The following PLCG2 variants were observed in gnomAD, a reference collection of about 807,000 sequenced individuals.
PLCG2 encodes 1-phosphatidylinositol 4,5-bisphosphate phosphodiesterase gamma-2.
A neutral mutation model predicts 175.6 loss-of-function variants in PLCG2; 69 were observed. The observed-to-expected ratio is 0.39, with a 90% CI of 0.32 to 0.48. The LOEUF (loss-of-function observed/expected upper bound fraction) is 0.48. Among genes scored for constraint, PLCG2 ranks in the 20% least tolerant of loss-of-function variants. The pLI, the probability that PLCG2 is intolerant of heterozygous loss-of-function variation, is 0.91. For synonymous variants in PLCG2, 827 were observed against 624.0 expected (o/e 1.33, Z -4.85); for missense variants, 1,798 against 1,650.9 (o/e 1.09, Z -1.54).
At chr16:81,923,277 A>G (rs1390283905) in intron 21 of PLCG2, 2 of 536,594 alleles carry the variant, frequency 3.7e-6, no homozygotes, top group Non-Finnish European at 6.7e-6. Context: ...CTTGGCTCTG[A>G]CTAGGCCAGT....
At chr16:81,882,224 G>A (rs928423146) in intron 8 of PLCG2, among the ~76,000 whole-genome samples, 4 of 152,198 alleles carry the variant, frequency 2.6e-5, no homozygotes, top group South Asian at 2.1e-4. Flanking sequence ...GGGGTGGCTC[G>A]TGCTGGCCCA....
chr16:81,802,826 C>T (rs1325311098), intron 2 of PLCG2, among the ~76,000 whole-genome samples: 2 of 152,308 alleles, frequency 1.3e-5, no homozygotes, highest in South Asian at 2.1e-4. Context: ...CCACCTCAGC[C>T]TCCCAAAGTG....
chr16:81,744,541 T>C (rs1909666004), intron 1 of PLCG2, among the ~76,000 whole-genome samples: 1 of 152,168 alleles, frequency 6.6e-6, no homozygotes, highest in Non-Finnish European at 1.5e-5. Context: ...CCAAATCTTT[T>C]GGCACTCCAT....
intron 9 of PLCG2, among the ~76,000 whole-genome samples, chr16:81,888,665 C>G (rs753598543): frequency 6.6e-6 from 1 of 152,104 alleles, no homozygotes; most frequent in African/African-American, 2.4e-5. Context: ...TGTAACTTGC[C>G]CAAGGTCAAC....
chr16:81,935,351 C>G (rs577951373), intron 26 of PLCG2, among the ~76,000 whole-genome samples: 82 of 152,094 alleles, frequency 5.4e-4, no homozygotes, highest in African/African-American at 2.0e-3. Context: ...ATCACACCTG[C>G]AAAGTCTGTT....
At chr16:81,776,657 C>T (rs746153698), upstream of PLCG2, among the ~76,000 whole-genome samples, 11 of 152,272 alleles carry the variant, frequency 7.2e-5, no homozygotes, top group East Asian at 3.9e-4. Context: ...TGGGTTCAAA[C>T]GATTCTGCTA....
intron 31 of PLCG2, among the ~76,000 whole-genome samples, chr16:81,946,755 C>T (rs1597151101): frequency 6.6e-6 from 1 of 152,140 alleles, no homozygotes; most frequent in Admixed American, 6.5e-5. Context: ...TACCTTTTTC[C>T]TCCTTTACGC....
chr16:81,939,968 A>G lies in PLCG2; in HGVS notation c.3390A>G (p.Ala1130=). ...VTFEIYDPNL[A]FLRFVVYEED... ...TTGAAATTTATGACCCAAACCTGGC[A>G]TTTCTGCGCTTTGTGGTTTATGAAG... is the stretch of plus-strand genomic sequence containing the variant. The change falls in exon 30 of 33, where the codon GCA becomes GCG. Residue 1130 remains alanine (A), a synonymous_variant. Coordinates refer to ENST00000564138, the MANE Select transcript of PLCG2 (RefSeq NM_002661.5). 1 of 1,614,010 alleles carries G rather than the reference A, an allele frequency of 6.2e-7. No homozygotes were observed. Among genetic ancestry groups the G allele is most frequent in the South Asian group, 1.1e-5 (1 of 91,086 alleles).
intron 2 of PLCG2, among the ~76,000 whole-genome samples, chr16:81,770,895 A>G (rs1003471312): frequency 6.6e-6 from 1 of 151,638 alleles, no homozygotes; most frequent in African/African-American, 2.4e-5. Flanking sequence ...CATCTCTACT[A>G]AAAAAACAAA....
intron 11 of PLCG2, among the ~76,000 whole-genome samples, chr16:81,892,512 C>T (rs1567519544): frequency 6.6e-6 from 1 of 150,988 alleles, no homozygotes; most frequent in Non-Finnish European, 1.5e-5. Flanking sequence ...ATGCTCCAGG[C>T]ATTTGGGAAG....
intron 17 of PLCG2, among the ~76,000 whole-genome samples, chr16:81,908,828 A>G (rs917617445): frequency 2.6e-5 from 4 of 152,224 alleles, no homozygotes; most frequent in African/African-American, 9.6e-5. Context: ...AAGTAATGCA[A>G]AAAAGTCTGT....
chr16:81,869,072 G>T (rs1402670091), intron 5 of PLCG2, 142 bp from the exon 6 acceptor site: 4 of 682,450 alleles, frequency 5.9e-6, no homozygotes, highest in Non-Finnish European at 8.0e-6. Context: ...TCAATGTCTT[G>T]TTCCCAGTTA....
chr16:81,899,819 T>C (rs1339415675), intron 13 of PLCG2, among the ~76,000 whole-genome samples: 2 of 152,212 alleles, frequency 1.3e-5, no homozygotes, highest in Non-Finnish European at 2.9e-5. Context: ...CAGTCAATAA[T>C]ATATACCAAA....
chr16:81,773,547 A>G (rs577341849), intron 2 of PLCG2, among the ~76,000 whole-genome samples: 2 of 152,096 alleles, frequency 1.3e-5, no homozygotes, highest in East Asian at 1.9e-4. Flanking sequence ...CTTGTACACT[A>G]TTGCTCTTGG....
chr16:81,905,548 C>A lies in PLCG2; in HGVS notation c.1467+41C>A, dbSNP rs562394869. 93 of 1,293,938 alleles carry A rather than the reference C, an allele frequency of 7.2e-5. No individual in the cohort carries two copies. In the East Asian group the frequency reaches 1.7e-3, roughly 24 times the overall value. The allele number at this position is 1,293,938 out of a possible 1,614,324, so 80.2% of individuals were successfully genotyped here. A position where few individuals can be genotyped will look rare whatever the true frequency, so the allele number is the denominator to read the frequency against. ...TTCCCGTAGCCACTGCGGCCACGCCCCTTGCAGCTGCTTCTTGGAGCCCTG... is the reference window on the plus strand; with the variant it reads ...TTCCCGTAGCCACTGCGGCCACGCCACTTGCAGCTGCTTCTTGGAGCCCTG... On this transcript the variant is annotated intron_variant, in intron 15 of 32. Transcript: ENST00000564138.
rs1351612249 is a variant in PLCG2, at chr16:81,829,887, C to T, written c.194-24557C>T. On this transcript the variant is annotated intron_variant, in intron 2 of 32. Transcript: ENST00000564138. ...GTGGGGGGGCGTGTGTATTTCCAGC[C>T]TCAGTAGTGAGTGCCAAATCGCTCT... Among the ~76,000 whole-genome samples, 3 of 151,756 alleles carry T rather than the reference C, an allele frequency of 2.0e-5. No homozygotes were observed. The East Asian group carries it at 5.8e-4, about 30-fold the overall frequency.
At chr16:81,845,766 G>A (rs1184216988) in intron 2 of PLCG2, among the ~76,000 whole-genome samples, 1 of 152,204 alleles carries the variant, frequency 6.6e-6, no homozygotes, top group Admixed American at 6.5e-5. Context: ...TAAGATCAAG[G>A]GGTGGAGATG....
intron 31 of PLCG2, among the ~76,000 whole-genome samples, chr16:81,947,013 A>G (rs890679112): frequency 6.6e-6 from 1 of 152,110 alleles, no homozygotes; most frequent in Non-Finnish European, 1.5e-5. Flanking sequence ...CTCTATACAT[A>G]AAACCCCTCC....
intron 2 of PLCG2, among the ~76,000 whole-genome samples, chr16:81,765,782 G>A (rs1910136915): frequency 6.6e-6 from 1 of 152,186 alleles, no homozygotes; most frequent in South Asian, 2.1e-4. Flanking sequence ...CTTCTGAATG[G>A]TCTGGATGGC....
Sources: allele counts gnomAD v4.1 joint callset (sites outside exome capture counted in the v4.1 genomes callset), GRCh38; gene constraint gnomAD v4.1.1; transcripts MANE v1.5; gene names NCBI Gene and HGNC (gene_info 2026-07-23, HGNC 2026-07-21).